The following SHROOM3 variants were observed in gnomAD, a reference collection of about 807,000 sequenced individuals.
SHROOM3 encodes protein Shroom3.
In SHROOM3, 47 loss-of-function variants were observed where a neutral mutation model predicts 138.6. That is an observed-to-expected ratio of 0.34 (90% confidence interval 0.27 to 0.43). SHROOM3 has a LOEUF of 0.43. Ranked by LOEUF, SHROOM3 falls within the 20% of genes least tolerant of loss-of-function variation. The pLI is 1.00. For synonymous variants in SHROOM3, 1,062 were observed against 1,063.3 expected (o/e 1.00, Z 0.02); for missense variants, 2,491 against 2,596.5 (o/e 0.96, Z 0.88).
chr4:76,606,007 A>ATTTTTTTTT (rs1164704632), intron 2 of SHROOM3, among the ~76,000 whole-genome samples: 1 of 77,830 alleles, frequency 1.3e-5, no homozygotes, highest in Non-Finnish European at 2.4e-5. Context: ...ATATATATAT[A>ATTTTTTTTT]TTTTTTTTTT....
rs905794767 is a variant in SHROOM3 at position 76,757,033 on chromosome 4, C to T, written c.5198+96C>T. On this transcript the variant is annotated intron_variant, in intron 8 of 10. Transcript: ENST00000296043. ...GGACTAGTTGCCTGATGTTCTCCTA[C>T]TGCCACAGCTCCTGAACCAAGAGTG... The T allele has an allele frequency of 2.5e-5, 40 of 1,584,836 alleles. No homozygotes were observed. The African/African-American group carries it at 5.2e-4, about 21-fold the overall frequency.
intron 1 of SHROOM3, among the ~76,000 whole-genome samples, chr4:76,439,978 TG>T (rs1730635627): frequency 6.6e-6 from 1 of 152,218 alleles, no homozygotes; most frequent in Non-Finnish European, 1.5e-5. Flanking sequence ...TCATTGTAAG[TG>T]GATGCTCAGG....
intron 1 of SHROOM3, among the ~76,000 whole-genome samples, chr4:76,507,866 C>G (rs1032524469): frequency 1.1e-4 from 16 of 151,958 alleles, no homozygotes; most frequent in African/African-American, 3.6e-4. Flanking sequence ...ATCTTCTTAT[C>G]GGAAATGTCT....
rs146902676 is a variant in SHROOM3, at chr4:76,547,650, C to A, written c.169-7959C>A. On this transcript the variant is annotated intron_variant, in intron 1 of 10. Coordinates refer to ENST00000296043, the MANE Select transcript of SHROOM3 (RefSeq NM_020859.4). ...CGTAAGTAAAAAATAGAGTTCATGG[C>A]CAGGCGCGGCGGCTCATGCCTGTAA... Among the ~76,000 whole-genome samples, 4 of 152,078 alleles carry A rather than the reference C, an allele frequency of 2.6e-5. 1 individual carries two copies. The highest frequency in any genetic ancestry group is 1.3e-4 in the Admixed American group (2 of 15,252).
chr4:76,562,571 G>A (rs1733619627), intron 2 of SHROOM3, among the ~76,000 whole-genome samples: 2 of 152,188 alleles, frequency 1.3e-5, no homozygotes, highest in African/African-American at 4.8e-5. Flanking sequence ...AAAAAGGGTT[G>A]TGCAAATCAG....
chr4:76,647,114 G>C (rs1735839208), intron 2 of SHROOM3, among the ~76,000 whole-genome samples: 1 of 152,180 alleles, frequency 6.6e-6, no homozygotes, highest in Non-Finnish European at 1.5e-5. Flanking sequence ...GCAGCAACAT[G>C]GGTGGAACTA....
chr4:76,568,174 A>G (rs1372767609), intron 2 of SHROOM3, among the ~76,000 whole-genome samples: 1 of 152,138 alleles, frequency 6.6e-6, no homozygotes, highest in Non-Finnish European at 1.5e-5. Flanking sequence ...TGCTCACTGA[A>G]TATTGGTGAG....
intron 1 of SHROOM3, among the ~76,000 whole-genome samples, chr4:76,495,134 C>T (rs988778457): frequency 4.3e-4 from 66 of 152,304 alleles, no homozygotes; most frequent in Non-Finnish European, 5.7e-4. Flanking sequence ...GCTGGAGGCA[C>T]GCAGTACACT....
chr4:76,633,837 C>T (rs1250498551), intron 2 of SHROOM3, among the ~76,000 whole-genome samples: 8 of 152,002 alleles, frequency 5.3e-5, no homozygotes, highest in Admixed American at 1.3e-4. Flanking sequence ...AGCTCCAGGC[C>T]CCTAGTCTCA....
chr4:76,697,087 A>ATTTTTTT (rs1163545473), intron 2 of SHROOM3, among the ~76,000 whole-genome samples: 48 of 135,784 alleles, frequency 3.5e-4, no homozygotes, highest in African/African-American at 1.3e-3. Context: ...CAGCTAATTA[A>ATTTTTTT]TTTTTTTTTT....
At chr4:76,505,755 G>A (rs1732196637) in intron 1 of SHROOM3, among the ~76,000 whole-genome samples, 1 of 150,644 alleles carries the variant, frequency 6.6e-6, no homozygotes, top group Admixed American at 6.6e-5. Flanking sequence ...TGAACTCTTG[G>A]GCTCAAATAA....
intron 2 of SHROOM3, among the ~76,000 whole-genome samples, chr4:76,575,917 G>T (rs944791944): frequency 6.6e-6 from 1 of 152,098 alleles, no homozygotes; most frequent in Non-Finnish European, 1.5e-5. Flanking sequence ...GATTATTAGA[G>T]AAACGCAAAT....
intron 1 of SHROOM3, among the ~76,000 whole-genome samples, chr4:76,443,920 G>A (rs1031870643): frequency 6.6e-6 from 1 of 151,958 alleles, no homozygotes; most frequent in Non-Finnish European, 1.5e-5. Flanking sequence ...TTTTCTTGGA[G>A]ATTTATGAGA....
chr4:76,737,166 T>C (rs1481614488), intron 4 of SHROOM3, among the ~76,000 whole-genome samples: 6 of 152,166 alleles, frequency 3.9e-5, no homozygotes, highest in African/African-American at 1.4e-4. Flanking sequence ...AGTCATGTAG[T>C]TGGAATCATA....
chr4:76,748,620 G>A (rs1721521343), intron 5 of SHROOM3, among the ~76,000 whole-genome samples: 1 of 151,976 alleles, frequency 6.6e-6, no homozygotes, highest in African/African-American at 2.4e-5. Flanking sequence ...GTCCTTTCCC[G>A]TCATCTCTCA....
chr4:76,692,436 A>G (rs1189703448), intron 2 of SHROOM3, among the ~76,000 whole-genome samples: 1 of 152,232 alleles, frequency 6.6e-6, no homozygotes, highest in East Asian at 1.9e-4. Flanking sequence ...GAAGGTGTAG[A>G]GTACAGGGGT....
At chr4:76,615,974 C>T (rs1210860521) in intron 2 of SHROOM3, among the ~76,000 whole-genome samples, 3 of 152,094 alleles carry the variant, frequency 2.0e-5, no homozygotes, top group African/African-American at 7.2e-5. Flanking sequence ...GTTGTGTCTG[C>T]CTTCTGATAC....
intron 2 of SHROOM3, among the ~76,000 whole-genome samples, chr4:76,676,093 G>C (rs1447897882): frequency 2.6e-5 from 4 of 152,160 alleles, no homozygotes; most frequent in Non-Finnish European, 5.9e-5. Flanking sequence ...AGATAAATTA[G>C]CTCCAGGAGT....
intron 1 of SHROOM3, among the ~76,000 whole-genome samples, chr4:76,552,027 A>C: frequency 1.4e-5 from 1 of 70,026 alleles, no homozygotes; most frequent in Non-Finnish European, 2.9e-5. Context: ...ACGCCCGGCT[A>C]ATTTTTTGTA....
Sources: allele counts gnomAD v4.1 joint callset (sites outside exome capture counted in the v4.1 genomes callset), GRCh38; gene constraint gnomAD v4.1.1; transcripts MANE v1.5; gene names NCBI Gene and HGNC (gene_info 2026-07-23, HGNC 2026-07-21).